Variants in SPOCK3 observed in about 807,000 individuals in gnomAD.
SPOCK3 encodes the protein SPARC (osteonectin), cwcv and kazal like domains proteoglycan 3, also known as testican-3.
A neutral mutation model predicts 56.6 loss-of-function variants in SPOCK3; 30 were observed. The observed-to-expected ratio is 0.53, with a 90% confidence interval of 0.40 to 0.72. The LOEUF is 0.72. SPOCK3 is among the 30% of genes least tolerant of loss of function. The probability of loss-of-function intolerance (pLI) is 0.00; values close to 1 mark genes in which losing one functional copy is unlikely to be tolerated. For missense variants in SPOCK3, 527 were observed against 530.0 expected (o/e 0.99, Z 0.06); for synonymous variants, 196 against 183.3 (o/e 1.07, Z -0.56).
intron 2 of SPOCK3, among the ~76,000 whole-genome samples, chr4:167,203,225 AT>A (rs1406022686): frequency 1.3e-5 from 2 of 151,926 alleles, no homozygotes; most frequent in African/African-American, 4.8e-5. Context: ...GTCATGAAAA[AT>A]TGTATGTATT....
At position 167,118,875 on chromosome 4, in the gene SPOCK3, A is replaced by C. The variant is rs1355465430; in HGVS notation, c.190-56338T>G. Among the ~76,000 whole-genome samples the C allele has an allele frequency of 3.9e-5, 6 of 152,136 alleles. No individual in the cohort carries two copies. The South Asian group carries it at 1.0e-3, about 26-fold the overall frequency. ...TATGAGAAGGGATTTCATGTAACCC[A>C]TATCAACTTTCCCATTTTCATCCCC... On this transcript the variant is annotated intron_variant, in intron 2 of 10. Transcript: ENST00000357545.
intron 6 of SPOCK3, among the ~76,000 whole-genome samples, chr4:166,855,428 A>C (rs1024645869): frequency 2.6e-5 from 4 of 152,172 alleles, no homozygotes; most frequent in Non-Finnish European, 4.4e-5. Context: ...TTGGTAACAC[A>C]GGGTTAGCAC....
chr4:166,867,464 T>C (rs531959382), intron 6 of SPOCK3, among the ~76,000 whole-genome samples: 1 of 151,890 alleles, frequency 6.6e-6, no homozygotes, highest in Non-Finnish European at 1.5e-5. Context: ...ATGATTATCA[T>C]AAAACAGTCA....
intron 4 of SPOCK3, among the ~76,000 whole-genome samples, chr4:166,992,035 T>C (rs1267887444): frequency 6.6e-6 from 1 of 152,194 alleles, no homozygotes; most frequent in Non-Finnish European, 1.5e-5. Context: ...TGTAATGGGT[T>C]TCTTTACAGC....
intron 2 of SPOCK3, among the ~76,000 whole-genome samples, chr4:167,165,663 AT>A: frequency 6.6e-6 from 1 of 152,116 alleles, no homozygotes; most frequent in East Asian, 1.9e-4. Flanking sequence ...GTACTGAAAA[AT>A]ATACATAAAC....
chr4:167,171,785 G>A (rs1186914034), intron 2 of SPOCK3, among the ~76,000 whole-genome samples: 1 of 151,694 alleles, frequency 6.6e-6, no homozygotes, highest in Non-Finnish European at 1.5e-5. Context: ...TGTCTTATTA[G>A]GCATCACTAT....
At chr4:166,881,138 T>G (rs1169328714) in intron 6 of SPOCK3, among the ~76,000 whole-genome samples, 1 of 152,102 alleles carries the variant, frequency 6.6e-6, no homozygotes, top group Non-Finnish European at 1.5e-5. Flanking sequence ...TAATACAATT[T>G]TACTTTTGTA....
chr4:166,792,359 AG>A, intron 6 of SPOCK3, 70 bp from the exon 7 acceptor site: 1 of 1,541,792 alleles, frequency 6.5e-7, no homozygotes, highest in East Asian at 2.3e-5. Flanking sequence ...TTCTCTCATT[AG>A]TCCAATAAAC....
At chr4:167,015,114 C>T (rs772747808) in intron 3 of SPOCK3, among the ~76,000 whole-genome samples, 2 of 152,084 alleles carry the variant, frequency 1.3e-5, no homozygotes, top group Non-Finnish European at 2.9e-5. Context: ...ACCCCATTCA[C>T]AGAGGGTGCT....
intron 4 of SPOCK3, among the ~76,000 whole-genome samples, chr4:166,936,173 G>A (rs1042208914): frequency 2.6e-5 from 4 of 151,944 alleles, no homozygotes; most frequent in South Asian, 2.1e-4. Flanking sequence ...CTTAGAATAC[G>A]CAATACTGAG....
At chr4:167,074,910 G>A (rs1054358094) in intron 2 of SPOCK3, among the ~76,000 whole-genome samples, 2 of 151,878 alleles carry the variant, frequency 1.3e-5, no homozygotes, top group African/African-American at 4.8e-5. Context: ...TACGTACAAT[G>A]TTTTGATACA....
intron 6 of SPOCK3, among the ~76,000 whole-genome samples, chr4:166,813,324 C>T (rs1017852529): frequency 3.3e-5 from 5 of 151,556 alleles, no homozygotes; most frequent in African/African-American, 1.2e-4. Flanking sequence ...ACAGTCACAC[C>T]CCGAGATTCA....
chr4:166,873,742 A>G (rs1395210081), intron 6 of SPOCK3, among the ~76,000 whole-genome samples: 2 of 152,148 alleles, frequency 1.3e-5, no homozygotes, highest in Non-Finnish European at 2.9e-5. Context: ...AACTCAACTC[A>G]TTTAATTTGA....
chr4:166,947,461 T>C lies in SPOCK3; in HGVS notation c.351-34718A>G, dbSNP rs1741908276. Reference sequence around the variant, plus strand: ...TTTACTAAAGCATTTTTCCCAATAGTAGCAAAGTTTTGCATGTAACTTTTG... The same window carrying C: ...TTTACTAAAGCATTTTTCCCAATAGCAGCAAAGTTTTGCATGTAACTTTTG... On this transcript the variant is annotated intron_variant, in intron 4 of 10. Transcript: ENST00000357545. Among the ~76,000 whole-genome samples, 3 of 152,300 alleles carry C rather than the reference T, an allele frequency of 2.0e-5. No homozygotes were observed. In the South Asian group the frequency reaches 6.2e-4, roughly 32 times the overall value.
At chr4:167,079,608 A>G (rs1315426415) in intron 2 of SPOCK3, among the ~76,000 whole-genome samples, 1 of 151,954 alleles carries the variant, frequency 6.6e-6, no homozygotes, top group Non-Finnish European at 1.5e-5. Context: ...CACATAAGAA[A>G]GAAAAAAAAA....
At chr4:167,198,684 C>T (rs938005273) in intron 2 of SPOCK3, among the ~76,000 whole-genome samples, 2 of 152,064 alleles carry the variant, frequency 1.3e-5, no homozygotes, top group Admixed American at 6.6e-5. Context: ...AGTGTCCATG[C>T]TTTGAATCCT....
intron 4 of SPOCK3, among the ~76,000 whole-genome samples, chr4:166,999,435 T>C (rs1748729906): frequency 1.3e-5 from 2 of 152,318 alleles, no homozygotes; most frequent in South Asian, 2.1e-4. Context: ...TATTTTCCAA[T>C]GTTATTATTC....
At chr4:166,911,358 T>C (rs1230768611) in intron 5 of SPOCK3, among the ~76,000 whole-genome samples, 1 of 152,146 alleles carries the variant, frequency 6.6e-6, no homozygotes, top group Non-Finnish European at 1.5e-5. Context: ...TCAGACAGAT[T>C]ATGATTCATA....
At chr4:167,004,132 A>G (rs1749226167) in intron 3 of SPOCK3, among the ~76,000 whole-genome samples, 1 of 152,196 alleles carries the variant, frequency 6.6e-6, no homozygotes, top group East Asian at 1.9e-4. Flanking sequence ...AGAGATGTAT[A>G]AATAGTTATT....
Sources: allele counts gnomAD v4.1 joint callset (sites outside exome capture counted in the v4.1 genomes callset), GRCh38; gene constraint gnomAD v4.1.1; transcripts MANE v1.5; gene names NCBI Gene and HGNC (gene_info 2026-07-23, HGNC 2026-07-21).